CHD9: variants seen among roughly 807,000 people sequenced by gnomAD.
CHD9 encodes the protein chromodomain helicase DNA binding protein 9, also known as ATP-dependent chromatin remodeler CHD9.
CHD9 carries 77 observed loss-of-function variants against 316.1 expected under a neutral mutation model. The observed-to-expected ratio is 0.24, with a 90% confidence interval of 0.20 to 0.29. The LOEUF is 0.29. Among genes scored for constraint, CHD9 ranks in the 10% least tolerant of loss-of-function variants. The pLI is 1.00. For synonymous variants in CHD9, 1,129 were observed against 1,158.3 expected, an observed-to-expected ratio of 0.97 and a Z score of 0.51; for missense variants, 2,763 against 3,438.1, an observed-to-expected ratio of 0.80 and a Z score of 4.91.
intron 19 of CHD9, among the ~76,000 whole-genome samples, chr16:53,261,984 C>T (rs1279069804): frequency 1.3e-5 from 2 of 151,954 alleles, no homozygotes; most frequent in African/African-American, 4.8e-5. Context: ...ACAGTTTTAT[C>T]TTTTTAATGT....
chr16:53,195,902 C>T (rs540500359), intron 2 of CHD9, among the ~76,000 whole-genome samples: 1 of 151,856 alleles, frequency 6.6e-6, no homozygotes, highest in Non-Finnish European at 1.5e-5. Context: ...GGATCACAGG[C>T]GTGTGCCACC....
chr16:53,106,862 A>T (rs916786431), intron 1 of CHD9, among the ~76,000 whole-genome samples: 1 of 152,242 alleles, frequency 6.6e-6, no homozygotes, highest in African/African-American at 2.4e-5. Flanking sequence ...TACATACACA[A>T]AGGAAAGATG....
chr16:53,278,006 A>G (rs2053023014), intron 24 of CHD9, among the ~76,000 whole-genome samples: 1 of 151,636 alleles, frequency 6.6e-6, no homozygotes, highest in Admixed American at 6.6e-5. Context: ...CTCCTTCTAC[A>G]ATAGCCAGAA....
At chr16:53,073,503 G>A (rs1367967140) in intron 1 of CHD9, among the ~76,000 whole-genome samples, 1 of 152,182 alleles carries the variant, frequency 6.6e-6, no homozygotes, top group Non-Finnish European at 1.5e-5. Flanking sequence ...ATATCCAGAA[G>A]TGGAACTGCT....
At position 53,157,329 on chromosome 16, in the gene CHD9, C is replaced by T. The variant is rs774120902; in HGVS notation, c.1240C>T (p.Leu414Phe). Reference protein sequence around the residue: ...LDPEDLLQEGLLPHFDESTFG... With the variant: ...LDPEDLLQEGFLPHFDESTFG... ...CCCCGAGGACCTCCTTCAGGAGGGT[C>T]TTCTTCCTCACTTTGATGAGTCAAC... Residue 414 changes from leucine to phenylalanine, a missense_variant, in exon 2 of 39, where the codon CTT becomes TTT. Physicochemically the swap from Leu to Phe is conservative, Grantham distance 22 (BLOSUM62 0). This residue lies in a region of CHD9 where 859 missense variants were observed against 890.4 expected (regional missense o/e 0.96). Coordinates refer to ENST00000447540, the MANE Select transcript of CHD9 (RefSeq NM_001308319.2). The T allele has an allele frequency of 1.4e-5, 22 of 1,613,586 alleles. No individual in the cohort carries two copies. Among genetic ancestry groups the T allele is most frequent in the Non-Finnish European group, 1.7e-5 (20 of 1,179,748 alleles).
chr16:53,272,716 A>C (rs1480711935), intron 22 of CHD9, among the ~76,000 whole-genome samples: 1 of 152,190 alleles, frequency 6.6e-6, no homozygotes. Context: ...TGAAAACTTA[A>C]ATACTAAATA....
chr16:53,258,254 C>T (rs1210096555), intron 19 of CHD9, among the ~76,000 whole-genome samples: 1 of 152,102 alleles, frequency 6.6e-6, no homozygotes, highest in Non-Finnish European at 1.5e-5. Context: ...CTTTACTATA[C>T]AGTGCTATCT....
chr16:53,059,428 A>AC (rs906351593), intron 1 of CHD9, among the ~76,000 whole-genome samples: 21 of 152,094 alleles, frequency 1.4e-4, no homozygotes, highest in African/African-American at 4.3e-4. Flanking sequence ...ACATAGTGAG[A>AC]CCCCCACCTC....
At chr16:53,213,156 G>A (rs1319740436) in intron 3 of CHD9, among the ~76,000 whole-genome samples, 1 of 152,140 alleles carries the variant, frequency 6.6e-6, no homozygotes, top group Admixed American at 6.5e-5. Context: ...TGGCTATTTT[G>A]ACATGACCAT....
intron 2 of CHD9, among the ~76,000 whole-genome samples, chr16:53,174,223 G>T (rs182384148): frequency 1.6e-3 from 238 of 152,326 alleles, no homozygotes; most frequent in African/African-American, 5.3e-3. Flanking sequence ...TGTTGAGGCT[G>T]CAGTGAACCA....
At chr16:53,287,019 G>C (rs1235676694) in intron 26 of CHD9, among the ~76,000 whole-genome samples, 1 of 152,084 alleles carries the variant, frequency 6.6e-6, no homozygotes, top group Non-Finnish European at 1.5e-5. Context: ...GAATGCAATG[G>C]CACAATCATG....
intron 1 of CHD9, among the ~76,000 whole-genome samples, chr16:53,060,416 T>C (rs892901255): frequency 1.3e-5 from 2 of 151,546 alleles, no homozygotes; most frequent in African/African-American, 4.9e-5. Flanking sequence ...GAGTTCAAGG[T>C]CAGCCTGGGC....
intron 24 of CHD9, among the ~76,000 whole-genome samples, chr16:53,281,687 C>T (rs2053432504): frequency 6.6e-6 from 1 of 152,188 alleles, no homozygotes; most frequent in Admixed American, 6.5e-5. Context: ...GTCCCTCACC[C>T]ACCATGCTCC....
intron 2 of CHD9, among the ~76,000 whole-genome samples, chr16:53,206,341 CT>C (rs1343149027): frequency 3.4e-5 from 5 of 145,436 alleles, no homozygotes; most frequent in Middle Eastern, 7.2e-3. Context: ...GATTTCTACA[CT>C]TTTGAAAGGG....
intron 1 of CHD9, among the ~76,000 whole-genome samples, chr16:53,092,924 G>C (rs779224584): frequency 1.3e-5 from 2 of 152,014 alleles, no homozygotes; most frequent in African/African-American, 2.4e-5. Context: ...GACTACAGGC[G>C]TGCACCACCA....
chr16:53,251,863 T>C (rs539940326), intron 17 of CHD9, among the ~76,000 whole-genome samples: 6 of 151,986 alleles, frequency 3.9e-5, no homozygotes, highest in South Asian at 2.1e-4. Flanking sequence ...TGGTTTTTTT[T>C]CCCCCAAAAA....
chr16:53,107,556 G>A lies in CHD9; in HGVS notation c.-164-48370G>A, dbSNP rs2037469395. On this transcript the variant is annotated intron_variant, in intron 1 of 38. Transcript: ENST00000447540. ...AATTTAGCCAGGCGTGGTGGCACATGCCTGTAGTTCCAGTTACTTGGGAAG... is the reference window on the plus strand; with the variant it reads ...AATTTAGCCAGGCGTGGTGGCACATACCTGTAGTTCCAGTTACTTGGGAAG... Among the ~76,000 whole-genome samples the A allele has an allele frequency of 2.6e-5, 4 of 151,612 alleles. No individual in the cohort carries two copies. The South Asian group carries it at 8.4e-4, about 32-fold the overall frequency.
At position 53,209,829 on chromosome 16, in the gene CHD9, A is replaced by G. The variant is rs776048830; in HGVS notation, c.1784+16A>G. 62 of 1,464,448 alleles carry G rather than the reference A, an allele frequency of 4.2e-5. 2 individuals carry two copies. In the South Asian group the frequency reaches 8.0e-4, roughly 19 times the overall value. The allele number at this position is 1,464,448 out of a possible 1,614,324, so 90.7% of individuals were successfully genotyped here. A position where few individuals can be genotyped will look rare whatever the true frequency, so the allele number is the denominator to read the frequency against. On this transcript the variant is annotated intron_variant, in intron 3 of 38. Coordinates refer to ENST00000447540, the MANE Select transcript of CHD9 (RefSeq NM_001308319.2). ...CAAAAATTGGGTAAGTTGGTTAAGA[A>G]TTAAATTTAATTCCTTTCAATGTTC...
intron 20 of CHD9, 92 bp downstream of exon 20, chr16:53,263,189 C>T: frequency 1.1e-6 from 1 of 877,142 alleles, no homozygotes; most frequent in African/African-American, 1.7e-5. Context: ...TATGCAGTTA[C>T]TAAAACAAAT....
Sources: gnomAD v4.1 joint callset for allele counts (sites outside exome capture counted in the v4.1 genomes callset) on GRCh38, gnomAD v4.1.1 for gene constraint, gnomAD v4.1.1 regional missense constraint, MANE v1.5 for transcripts, NCBI Gene and HGNC (gene_info 2026-07-23, HGNC 2026-07-21) for gene names.